MND1: variants seen among roughly 807,000 people sequenced by gnomAD.
The protein encoded by MND1 is meiotic nuclear divisions 1, also known as meiotic nuclear division protein 1 homolog.
Under a neutral mutation model 35.1 loss-of-function variants are expected in MND1, and 28 were observed. The ratio of observed to expected loss-of-function variants is 0.80; its 90% confidence interval spans 0.59 to 1.09. The LOEUF is 1.09. Ranked by LOEUF, MND1 falls within the 50% of genes least tolerant of loss-of-function variation. MND1 has a pLI of 0.00. For missense variants in MND1, 213 were observed against 239.6 expected (o/e 0.89, Z 0.73); for synonymous variants, 69 against 70.5 (o/e 0.98, Z 0.11).
chr4:153,411,801 C>T (rs1251910345), intron 7 of MND1, among the ~76,000 whole-genome samples: 1 of 152,166 alleles, frequency 6.6e-6, no homozygotes, highest in African/African-American at 2.4e-5. Flanking sequence ...AAGCTATACA[C>T]ATAAGACTTG....
rs1464771644 is a variant in MND1, at chr4:153,397,211, G to A, written c.352-8G>A. On this transcript the variant is annotated splice_polypyrimidine_tract_variant and splice_region_variant and intron_variant, in intron 5 of 7. Coordinates refer to ENST00000240488, the MANE Select transcript of MND1 (RefSeq NM_032117.4). The stretch of plus-strand genomic sequence containing the variant: ...TCTTAATTGAACATAAAACTATCTG[G>A]AATGCAGGAAGAGCGAACCAGGCTA... 3.7e-6 allele frequency: 6 copies of A among 1,603,302 alleles called. No homozygotes were observed. In the African/African-American group the frequency reaches 5.4e-5, roughly 14 times the overall value.
intron 4 of MND1, chr4:153,381,679 T>TTATAATATATATAATATA (rs1728696422): frequency 4.8e-5 from 1 of 20,742 alleles, no homozygotes; most frequent in African/African-American, 1.7e-4. Flanking sequence ...TATATATATA[T>TTATAATATATATAATATA]ATATATATAT....
chr4:153,370,038 T>C (rs1773751673), intron 4 of MND1, among the ~76,000 whole-genome samples: 1 of 152,000 alleles, frequency 6.6e-6, no homozygotes, highest in Admixed American at 6.5e-5. Flanking sequence ...TCCCAGCACT[T>C]CGGGAGGCTG....
At chr4:153,394,464 C>A (rs1018827201) in intron 5 of MND1, 128 bp downstream of exon 5, 10 of 620,542 alleles carry the variant, frequency 1.6e-5, no homozygotes, top group Middle Eastern at 4.7e-4. Flanking sequence ...AGGATAGGAA[C>A]GTTTGACCTG....
Position 153,409,022 on chromosome 4 carries a change from A to G in MND1, c.511+7A>G, listed in dbSNP as rs1207835043. On this transcript the variant is annotated splice_region_variant and intron_variant, in intron 7 of 7. Transcript: ENST00000240488. ...GCTGCTAACAGATGGACTGGTATGT[A>G]CTATAATAATGCTGATAAACTATAG... 1.5e-6 allele frequency: 2 copies of G among 1,362,716 alleles called. No homozygotes were observed. Among genetic ancestry groups the G allele is most frequent in the East Asian group, 5.8e-5 (2 of 34,200 alleles). The allele number at this position is 1,362,716 out of a possible 1,614,324, so 84.4% of individuals were successfully genotyped here.
At chr4:153,393,209 A>G (rs868721451) in intron 4 of MND1, among the ~76,000 whole-genome samples, 1 of 152,168 alleles carries the variant, frequency 6.6e-6, no homozygotes, top group Admixed American at 6.5e-5. Context: ...ATATGTAACT[A>G]TGCAATTCTT....
At chr4:153,349,517 A>G (rs1240925733) in intron 1 of MND1, among the ~76,000 whole-genome samples, 1 of 152,156 alleles carries the variant, frequency 6.6e-6, no homozygotes, top group African/African-American at 2.4e-5. Context: ...TACATACTTC[A>G]TACAATAACT....
At chr4:153,411,373 A>G (rs1264579106) in intron 7 of MND1, among the ~76,000 whole-genome samples, 1 of 152,168 alleles carries the variant, frequency 6.6e-6, no homozygotes, top group East Asian at 1.9e-4. Flanking sequence ...TCTTTAAAAG[A>G]AAAAAATTAT....
At chr4:153,389,770 T>TA in intron 4 of MND1, among the ~76,000 whole-genome samples, 1 of 152,260 alleles carries the variant, frequency 6.6e-6, no homozygotes, top group African/African-American at 2.4e-5. Flanking sequence ...GGCTACAGTA[T>TA]TTAGCAATAA....
chr4:153,380,603 TTC>T (rs1421130839), intron 4 of MND1, among the ~76,000 whole-genome samples: 1 of 152,190 alleles, frequency 6.6e-6, no homozygotes. Context: ...GAAATTGTAG[TTC>T]TCTTAACGAA....
intron 2 of MND1, among the ~76,000 whole-genome samples, chr4:153,352,322 A>G (rs1773235695): frequency 6.6e-6 from 1 of 152,064 alleles, no homozygotes; most frequent in African/African-American, 2.4e-5. Context: ...TGGGTTTTGG[A>G]GCTGCTAATG....
intron 4 of MND1, among the ~76,000 whole-genome samples, chr4:153,393,924 CTTTT>C (rs36028750): frequency 1.8e-5 from 1 of 56,464 alleles, no homozygotes; most frequent in Non-Finnish European, 3.1e-5. Context: ...ACTTTGTTTT[CTTTT>C]TTTTTTTTTT....
intron 7 of MND1, among the ~76,000 whole-genome samples, chr4:153,411,769 G>A (rs1729691147): frequency 6.6e-6 from 1 of 152,120 alleles, no homozygotes; most frequent in Admixed American, 6.5e-5. Context: ...AAATCTTTCT[G>A]TATTCATGAA....
intron 4 of MND1, among the ~76,000 whole-genome samples, chr4:153,380,421 C>T (rs534717954): frequency 6.6e-6 from 1 of 152,210 alleles, no homozygotes; most frequent in Admixed American, 6.5e-5. Context: ...TTGGACATCT[C>T]TCTTTATCCA....
chr4:153,402,222 A>G (rs928997641), intron 6 of MND1, among the ~76,000 whole-genome samples: 4 of 152,186 alleles, frequency 2.6e-5, no homozygotes, highest in African/African-American at 9.7e-5. Context: ...TCTTTAAACA[A>G]TTTTTTAATT....
At chr4:153,397,559 G>A (rs980788319) in intron 6 of MND1, among the ~76,000 whole-genome samples, 9 of 152,124 alleles carry the variant, frequency 5.9e-5, no homozygotes, top group African/African-American at 2.2e-4. Flanking sequence ...GCTTATGCCT[G>A]TAATTCCAGC....
At chr4:153,387,047 A>G (rs1728888695) in intron 4 of MND1, among the ~76,000 whole-genome samples, 1 of 152,224 alleles carries the variant, frequency 6.6e-6, no homozygotes, top group Non-Finnish European at 1.5e-5. Flanking sequence ...ATAACAGGAA[A>G]ATAATTTTTA....
intron 3 of MND1, among the ~76,000 whole-genome samples, chr4:153,357,090 T>C (rs1226320482): frequency 6.6e-6 from 1 of 152,242 alleles, no homozygotes; most frequent in Non-Finnish European, 1.5e-5. Flanking sequence ...CCCAAAGTGC[T>C]GGGATTACAG....
At chr4:153,373,786 A>G (rs1427907532) in intron 4 of MND1, among the ~76,000 whole-genome samples, 2 of 152,204 alleles carry the variant, frequency 1.3e-5, no homozygotes, top group African/African-American at 2.4e-5. Context: ...TAAAAGGTTG[A>G]TAGCCCTTGG....
Sources: gnomAD v4.1 joint callset for allele counts (sites outside exome capture counted in the v4.1 genomes callset) on GRCh38, gnomAD v4.1.1 for gene constraint, MANE v1.5 for transcripts, NCBI Gene and HGNC (gene_info 2026-07-23, HGNC 2026-07-21) for gene names.